Variants in PDE4B observed in about 807,000 individuals in gnomAD.
PDE4B encodes phosphodiesterase 4B.
In PDE4B, 20 loss-of-function variants were observed where a neutral mutation model predicts 82.2. The ratio of observed to expected loss-of-function variants is 0.24; its 90% CI spans 0.17 to 0.35. The LOEUF is 0.35. Ranked by LOEUF, PDE4B falls within the 10% of genes least tolerant of loss-of-function variation. The pLI is 1.00. For missense variants in PDE4B, 655 were observed against 907.2 expected (o/e 0.72, Z 3.57); for synonymous variants, 320 against 318.9 (o/e 1.00, Z -0.04).
At chr1:66,264,308 C>T (rs369410868) in intron 6 of PDE4B, among the ~76,000 whole-genome samples, 1 of 152,272 alleles carries the variant, frequency 6.6e-6, no homozygotes, top group African/African-American at 2.4e-5. Flanking sequence ...TCCTGAAAAA[C>T]AGCCCTCAGT....
intron 6 of PDE4B, 38 bp downstream of exon 6, chr1:66,257,901 C>T: frequency 1.5e-6 from 2 of 1,357,474 alleles, no homozygotes; most frequent in Admixed American, 1.8e-5. Flanking sequence ...GAATCCCTAA[C>T]ATAAAGGCAA....
At chr1:66,161,383 T>G (rs752934616) in intron 3 of PDE4B, among the ~76,000 whole-genome samples, 1 of 152,188 alleles carries the variant, frequency 6.6e-6, no homozygotes, top group Non-Finnish European at 1.5e-5. Context: ...CAGCTTTTGA[T>G]ACTCACTCAG....
intron 3 of PDE4B, among the ~76,000 whole-genome samples, chr1:66,066,443 T>A (rs1655852527): frequency 6.6e-6 from 1 of 151,862 alleles, no homozygotes; most frequent in South Asian, 2.1e-4. Context: ...CAGTAGGAAA[T>A]GATTGGTAGT....
At chr1:66,223,060 T>G (rs1172042239) in intron 3 of PDE4B, among the ~76,000 whole-genome samples, 2 of 152,208 alleles carry the variant, frequency 1.3e-5, no homozygotes, top group African/African-American at 4.8e-5. Context: ...CCATTGAGTG[T>G]TCACACAATG....
intron 3 of PDE4B, among the ~76,000 whole-genome samples, chr1:66,191,083 C>T (rs193266399): frequency 6.6e-6 from 1 of 152,124 alleles, no homozygotes; most frequent in Non-Finnish European, 1.5e-5. Flanking sequence ...CAAATAATCT[C>T]AGAAAAGTTT....
chr1:66,026,789 T>C (rs1653460283), intron 3 of PDE4B, among the ~76,000 whole-genome samples: 1 of 152,212 alleles, frequency 6.6e-6, no homozygotes, highest in African/African-American at 2.4e-5. Flanking sequence ...CAAAACAAAA[T>C]AGATGAAAGT....
At position 65,871,434 on chromosome 1, in the gene PDE4B, T is replaced by G. The variant is rs867260769; in HGVS notation, c.-70-41811T>G. Among the ~76,000 whole-genome samples, 15 of 152,346 alleles carry G rather than the reference T, an allele frequency of 9.8e-5. No individual in the cohort carries two copies. The South Asian group carries it at 3.1e-3, about 32-fold the overall frequency. Reference sequence around the variant, plus strand: ...GAATTCTAGTATTAAACAGATGCCCTTACTAGCTTTGGGACCCAGGTTAGC... The same window carrying G: ...GAATTCTAGTATTAAACAGATGCCCGTACTAGCTTTGGGACCCAGGTTAGC... On this transcript the variant is annotated intron_variant, in intron 1 of 16. Coordinates refer to ENST00000341517, the MANE Select transcript of PDE4B (RefSeq NM_002600.4).
chr1:66,016,907 G>A (rs1320472180), intron 3 of PDE4B, among the ~76,000 whole-genome samples: 2 of 152,110 alleles, frequency 1.3e-5, no homozygotes, highest in Non-Finnish European at 2.9e-5. Flanking sequence ...AGGTGTTTAG[G>A]GATGGGTTTT....
intron 1 of PDE4B, among the ~76,000 whole-genome samples, chr1:65,861,384 T>C (rs1270775001): frequency 1.3e-5 from 2 of 152,206 alleles, no homozygotes; most frequent in Non-Finnish European, 2.9e-5. Context: ...TTCTGAGGTC[T>C]CTTTTCTGTT....
intron 6 of PDE4B, among the ~76,000 whole-genome samples, chr1:66,265,598 G>A (rs1654970909): frequency 2.6e-5 from 4 of 152,108 alleles, no homozygotes; most frequent in African/African-American, 9.7e-5. Context: ...GTCTCCTGAG[G>A]TACAAAAATT....
intron 3 of PDE4B, chr1:66,050,443 A>G (rs1262759202): frequency 1.2e-4 from 18 of 152,098 alleles, no homozygotes; most frequent in Non-Finnish European, 1.6e-4. Flanking sequence ...TATAATGGAC[A>G]GTGTTGATTT....
At chr1:65,970,927 G>A (rs1003802339) in intron 3 of PDE4B, among the ~76,000 whole-genome samples, 1 of 151,566 alleles carries the variant, frequency 6.6e-6, no homozygotes, top group Non-Finnish European at 1.5e-5. Context: ...TGGACAGGAC[G>A]GGATCTTGGC....
At chr1:66,037,799 G>A (rs1320788111) in intron 3 of PDE4B, among the ~76,000 whole-genome samples, 1 of 151,958 alleles carries the variant, frequency 6.6e-6, no homozygotes, top group South Asian at 2.1e-4. Context: ...ATTTTATGTT[G>A]TGGCAAAAAT....
intron 3 of PDE4B, among the ~76,000 whole-genome samples, chr1:65,947,215 A>G (rs922734510): frequency 2.0e-5 from 3 of 152,072 alleles, no homozygotes; most frequent in Non-Finnish European, 4.4e-5. Context: ...CTGTGGATAT[A>G]CACTATTATC....
intron 3 of PDE4B, among the ~76,000 whole-genome samples, chr1:66,177,906 A>G (rs939322276): frequency 2.0e-5 from 3 of 152,132 alleles, no homozygotes; most frequent in African/African-American, 7.2e-5. Flanking sequence ...GTAAAAATCT[A>G]GTGAAATTCC....
At chr1:66,004,660 T>C (rs902807336) in intron 3 of PDE4B, among the ~76,000 whole-genome samples, 1 of 152,096 alleles carries the variant, frequency 6.6e-6, no homozygotes, top group Non-Finnish European at 1.5e-5. Flanking sequence ...TAATGGTCTT[T>C]TCAAAGTGCC....
intron 3 of PDE4B, among the ~76,000 whole-genome samples, chr1:65,961,515 C>T (rs999736711): frequency 2.6e-5 from 4 of 152,078 alleles, no homozygotes; most frequent in Admixed American, 2.6e-4. Context: ...ATAATTAGTA[C>T]TTTTTGAGTA....
chr1:66,122,171 T>G (rs868582580), intron 3 of PDE4B, among the ~76,000 whole-genome samples: 23 of 152,324 alleles, frequency 1.5e-4, no homozygotes, highest in Middle Eastern at 3.4e-3. Context: ...TGAGCGTCCA[T>G]TTTTCCATCT....
In PDE4B at chr1:66,207,375, T is replaced by G. The variant is rs12046822; in HGVS notation, c.282-40085T>G. ...AAAGATTTCAGAAACTGAACCCCAA[T>G]TATTTACATAGATGATATTTTGATG... On this transcript the variant is annotated intron_variant, in intron 3 of 16. Transcript: ENST00000341517. Among the ~76,000 whole-genome samples the G allele has an allele frequency of 0.013, 1,939 of 152,300 alleles. 91 individuals are homozygous for G. The East Asian group carries it at 0.15, about 12-fold the overall frequency.
Sources: gnomAD v4.1 joint callset for allele counts (sites outside exome capture counted in the v4.1 genomes callset) on GRCh38, gnomAD v4.1.1 for gene constraint, MANE v1.5 for transcripts, NCBI Gene and HGNC (gene_info 2026-07-23, HGNC 2026-07-21) for gene names.